The following IGF2BP3 variants were observed in gnomAD, a reference collection of about 807,000 sequenced individuals.
IGF2BP3 encodes the protein insulin-like growth factor 2 mRNA-binding protein 3.
In IGF2BP3, 9 loss-of-function variants were observed where a neutral mutation model predicts 73.8. The ratio of observed to expected loss-of-function variants is 0.12; its 90% CI spans 0.07 to 0.21. The LOEUF (loss-of-function observed/expected upper bound fraction) is 0.21, where lower values mean the gene tolerates loss of function less well. IGF2BP3 is among the 10% of genes least tolerant of loss of function. The pLI, the probability that IGF2BP3 is intolerant of heterozygous loss-of-function variation, is 1.00. For synonymous variants in IGF2BP3, 258 were observed against 256.7 expected (o/e 1.01, Z -0.05); for missense variants, 542 against 714.0 (o/e 0.76, Z 2.75).
chr7:23,312,124 A>AC lies in IGF2BP3; in HGVS notation c.*237dup. ...GCTCTTCTCTTTCCCTCCCTCCCCC[A>AC]CCCTTTTTTTGTTTGTTTGTTTGTT... On this transcript the variant is annotated 3_prime_UTR_variant, in exon 15 of 15. Transcript: ENST00000258729. The AC allele has an allele frequency of 4.2e-6, 1 of 239,324 alleles. No individual in the cohort carries two copies. The highest frequency in any genetic ancestry group is 6.2e-5 in the South Asian group (1 of 16,248). The allele number at this position is 239,324 out of a possible 1,614,324, so 14.8% of individuals were successfully genotyped here. A position where few individuals can be genotyped will look rare whatever the true frequency, so the allele number is the denominator to read the frequency against.
chr7:23,414,903 G>A lies in IGF2BP3; in HGVS notation c.285+3873C>T, dbSNP rs956249448. ...ATCCGCAGGTCCCTGTCCATCAGTC[G>A]GCATCACCACATCTGCAAGTCCCTC... On this transcript the variant is annotated intron_variant, in intron 3 of 14. Coordinates refer to ENST00000258729, the MANE Select transcript of IGF2BP3 (RefSeq NM_006547.3). The A allele has an allele frequency of 4.1e-5, 7 of 171,264 alleles. No homozygotes were observed. In the South Asian group the frequency reaches 4.6e-4, roughly 11 times the overall value. The allele number at this position is 171,264 out of a possible 1,614,324, so 10.6% of individuals were successfully genotyped here. A position where few individuals can be genotyped will look rare whatever the true frequency, so the allele number is the denominator to read the frequency against.
rs757358032 is a variant in IGF2BP3 at position 23,351,442 on chromosome 7, C to A, written c.546G>T (p.Gln182His). 1 of 1,613,698 alleles carries A rather than the reference C, an allele frequency of 6.2e-7. No homozygotes were observed. The highest frequency in any genetic ancestry group is 1.7e-5 in the Admixed American group (1 of 59,980). The change falls in exon 6 of 15, where the codon CAG becomes CAT. Residue 182 changes from glutamine (Q) to histidine (H), a missense_variant. By Grantham distance (24) the Gln-to-His change is conservative. Transcript: ENST00000258729. ...GCTTGGATACGGATCCTGGAGACCC[C>A]TGCCTTGAGGAGCCCCTCTGCCCAA... ...RGLGQRGSSR[Q>H]GSPGSVSKQK...
At chr7:23,424,700 C>T (rs1481646033) in intron 2 of IGF2BP3, among the ~76,000 whole-genome samples, 2 of 151,912 alleles carry the variant, frequency 1.3e-5, no homozygotes, top group African/African-American at 2.4e-5. Flanking sequence ...CCCTGGGCAA[C>T]AAAATGAGAC....
chr7:23,364,875 T>C (rs1389409005), intron 3 of IGF2BP3, among the ~76,000 whole-genome samples: 3 of 150,306 alleles, frequency 2.0e-5, no homozygotes, highest in East Asian at 2.0e-4. Flanking sequence ...ATTTAAAATA[T>C]AGCTTTTAGG....
intron 3 of IGF2BP3, among the ~76,000 whole-genome samples, chr7:23,385,613 G>A (rs963292764): frequency 2.6e-5 from 4 of 152,102 alleles, no homozygotes. Flanking sequence ...ATGGGGTAGG[G>A]GGTGGGGGGA....
chr7:23,319,072 G>T, intron 11 of IGF2BP3, 66 bp downstream of exon 11: 1 of 995,490 alleles, frequency 1.0e-6, no homozygotes, highest in Non-Finnish European at 1.6e-6. Context: ...TTATAAAGTG[G>T]CAAGAAGATT....
At chr7:23,395,933 G>C (rs1340653991) in intron 3 of IGF2BP3, among the ~76,000 whole-genome samples, 1 of 151,080 alleles carries the variant, frequency 6.6e-6, no homozygotes, top group Non-Finnish European at 1.5e-5. Flanking sequence ...CTCAAAAAAA[G>C]AAGAAAATAA....
intron 2 of IGF2BP3, among the ~76,000 whole-genome samples, chr7:23,435,109 A>G (rs896760630): frequency 5.9e-5 from 9 of 151,870 alleles, no homozygotes; most frequent in African/African-American, 2.2e-4. Context: ...CCTGGCTAAC[A>G]TGGTGAAACC....
At chr7:23,415,661 TC>T in intron 3 of IGF2BP3, 1 of 165,220 alleles carries the variant, frequency 6.1e-6, no homozygotes. Context: ...CCTCCCCACA[TC>T]CCAGGCGCCA....
At chr7:23,462,922 C>G (rs1002610295) in intron 2 of IGF2BP3, among the ~76,000 whole-genome samples, 1 of 152,184 alleles carries the variant, frequency 6.6e-6, no homozygotes, top group Non-Finnish European at 1.5e-5. Context: ...CATCAGCCTT[C>G]AAGCAAAATT....
In IGF2BP3 at chr7:23,439,396, C is replaced by CA. The variant is rs983892422; in HGVS notation, c.237-20573dup. ...GGTGAAACCCCACCTACTAAAAATA[C>CA]AAAAAAAAAAAAATTAGCCGGGTGT... is the stretch of plus-strand genomic sequence containing the variant. On this transcript the variant is annotated intron_variant, in intron 2 of 14. Transcript: ENST00000258729. Among the ~76,000 whole-genome samples the CA allele has an allele frequency of 8.1e-3, 1,121 of 138,234 alleles. 9 individuals carry two copies. The highest frequency in any genetic ancestry group is 0.027 in the African/African-American group (1,003 of 37,496). 90.7% of individuals were successfully genotyped at this position (138,234 alleles called of 152,430 possible). A position where few individuals can be genotyped will look rare whatever the true frequency, so the allele number is the denominator to read the frequency against.
chr7:23,311,521 G>C lies in IGF2BP3; in HGVS notation c.*841C>G, dbSNP rs1320692631. On this transcript the variant is annotated 3_prime_UTR_variant, in exon 15 of 15. Transcript: ENST00000258729. Reference sequence around the variant, plus strand: ...CCCAACTATAAATGAAAGAATAAATGGTAGTGCTGCTCTCCAGATACTAGG... The same window carrying C: ...CCCAACTATAAATGAAAGAATAAATCGTAGTGCTGCTCTCCAGATACTAGG... 1.3e-5 allele frequency: 2 copies of C among 152,252 alleles called. No individual in the cohort carries two copies. The highest frequency in any genetic ancestry group is 2.9e-5 in the Non-Finnish European group (2 of 68,026). The allele number at this position is 152,252 out of a possible 1,614,324, so 9.4% of individuals were successfully genotyped here. A position where few individuals can be genotyped will look rare whatever the true frequency, so the allele number is the denominator to read the frequency against.
chr7:23,382,866 T>C (rs1206226080), intron 3 of IGF2BP3, among the ~76,000 whole-genome samples: 3 of 104,270 alleles, frequency 2.9e-5, no homozygotes, highest in African/African-American at 1.2e-4. Flanking sequence ...GAGACCATCC[T>C]GGGCAATACA....
At position 23,469,994 on chromosome 7, in the gene IGF2BP3, G is replaced by A. The variant is rs369266023; in HGVS notation, c.117C>T (p.Tyr39=). ...VSGPFLVKTG[Y]AFVDCPDESW... is the part of the protein sequence containing the mutation. The stretch of plus-strand genomic sequence containing the variant: ...TCTCGTCCGGGCAGTCCACGAACGC[G>A]TAGCCAGTCTTCACCAGGAAGGGTC... The change falls in exon 1 of 15, where the codon TAC becomes TAT. Residue 39 remains tyrosine (Y), a synonymous_variant. Coordinates refer to ENST00000258729, the MANE Select transcript of IGF2BP3 (RefSeq NM_006547.3). This position sits in a 1 kb window ranked among gnomAD's most constrained non-coding sequence, Gnocchi z 6.1. The A allele has an allele frequency of 5.6e-6, 9 of 1,612,610 alleles. No homozygotes were observed. In the African/African-American group the frequency reaches 1.1e-4, roughly 19 times the overall value.
chr7:23,365,281 A>G (rs942672445), intron 3 of IGF2BP3, among the ~76,000 whole-genome samples: 1 of 152,250 alleles, frequency 6.6e-6, no homozygotes, highest in Non-Finnish European at 1.5e-5. Context: ...TGCCAATTTA[A>G]TAAGTTTAAT....
chr7:23,329,114 G>GA (rs1331902491), intron 10 of IGF2BP3, among the ~76,000 whole-genome samples: 2 of 151,956 alleles, frequency 1.3e-5, no homozygotes, highest in Admixed American at 6.6e-5. Context: ...TCGGGAGGCT[G>GA]AGGCAGGAGA....
Position 23,340,864 on chromosome 7 carries a change from TTC to T in IGF2BP3, c.1203+1198_1203+1199del, listed in dbSNP as rs1491431559. Among the ~76,000 whole-genome samples, 21 of 148,054 alleles carry T rather than the reference TTC, an allele frequency of 1.4e-4. 1 individual carries two copies. The highest frequency in any genetic ancestry group is 3.6e-4 in the African/African-American group (14 of 38,558). On this transcript the variant is annotated intron_variant, in intron 10 of 14. Coordinates refer to ENST00000258729, the MANE Select transcript of IGF2BP3 (RefSeq NM_006547.3). ...TTTTCTTTTTCTTTTTTTTTTTTTTTTCCCAGACAGAGTTTCGCTCTGTCGCC... is the reference window on the plus strand; with the variant it reads ...TTTTCTTTTTCTTTTTTTTTTTTTTTCCAGACAGAGTTTCGCTCTGTCGCC...
chr7:23,399,586 A>C (rs1422858690), intron 3 of IGF2BP3, among the ~76,000 whole-genome samples: 1 of 152,134 alleles, frequency 6.6e-6, no homozygotes, highest in East Asian at 1.9e-4. Context: ...CTTCTAGAAC[A>C]AAAATTAATT....
chr7:23,398,115 A>T (rs2128524157), intron 3 of IGF2BP3, among the ~76,000 whole-genome samples: 1 of 125,438 alleles, frequency 8.0e-6, no homozygotes, highest in South Asian at 2.6e-4. Flanking sequence ...TCCTGTGTCC[A>T]TGTGTTCTCA....
Sources: gnomAD v4.1 joint callset for allele counts (sites outside exome capture counted in the v4.1 genomes callset) on GRCh38, gnomAD v4.1.1 for gene constraint, Gnocchi (gnomAD v3.1) non-coding constraint, MANE v1.5 for transcripts, NCBI Gene and HGNC (gene_info 2026-07-23, HGNC 2026-07-21) for gene names.